ZPBP: variants seen among roughly 807,000 people sequenced by gnomAD.
ZPBP encodes the protein zona pellucida-binding protein 1.
Under a neutral mutation model 44.8 loss-of-function variants are expected in ZPBP, and 26 were observed. The observed-to-expected ratio is 0.58, with a 90% CI of 0.43 to 0.81. ZPBP has a LOEUF of 0.81. Ranked by LOEUF, ZPBP falls within the 30% of genes least tolerant of loss-of-function variation. The pLI is 0.00. For synonymous variants in ZPBP, 174 were observed against 153.2 expected, an observed-to-expected ratio of 1.14 and a Z score of -1.00; for missense variants, 409 against 434.0, an observed-to-expected ratio of 0.94 and a Z score of 0.51.
intron 4 of ZPBP, among the ~76,000 whole-genome samples, chr7:50,034,460 T>G (rs1338635582): frequency 2.0e-5 from 3 of 152,188 alleles, no homozygotes; most frequent in Non-Finnish European, 4.4e-5. Flanking sequence ...TCTATCAAAT[T>G]GCCACTCCCT....
intron 2 of ZPBP, among the ~76,000 whole-genome samples, chr7:49,863,673 C>T (rs1306617966): frequency 5.3e-5 from 8 of 152,090 alleles, no homozygotes; most frequent in Non-Finnish European, 7.3e-5. Context: ...TCAAGCCATC[C>T]GCCCACCTCA....
intron 6 of ZPBP, among the ~76,000 whole-genome samples, chr7:50,002,935 A>T (rs888374556): frequency 6.6e-6 from 1 of 152,212 alleles, no homozygotes; most frequent in Non-Finnish European, 1.5e-5. Flanking sequence ...TATGTTACCA[A>T]AAAATCTAAA....
At chr7:50,029,743 G>A (rs1562856802) in intron 5 of ZPBP, among the ~76,000 whole-genome samples, 1 of 152,204 alleles carries the variant, frequency 6.6e-6, no homozygotes, top group Non-Finnish European at 1.5e-5. Context: ...TGCCTTTGGA[G>A]AAATGCAAAT....
At chr7:49,991,180 T>C (rs1253285653) in intron 6 of ZPBP, among the ~76,000 whole-genome samples, 1 of 151,868 alleles carries the variant, frequency 6.6e-6, no homozygotes, top group Non-Finnish European at 1.5e-5. Context: ...TGGAGAGAAA[T>C]GTGAATTTTT....
chr7:50,006,763 T>C (rs1010583724), intron 6 of ZPBP, among the ~76,000 whole-genome samples: 3 of 151,886 alleles, frequency 2.0e-5, no homozygotes, highest in Non-Finnish European at 4.4e-5. Context: ...AAAACAAGAA[T>C]TGCTTCTTTG....
intron 5 of ZPBP, among the ~76,000 whole-genome samples, chr7:50,019,213 T>C (rs963340176): frequency 6.6e-6 from 1 of 152,102 alleles, no homozygotes; most frequent in Non-Finnish European, 1.5e-5. Flanking sequence ...ATCTCTATAA[T>C]TTATCTACCA....
At chr7:49,877,036 A>G (rs1296541653) in intron 2 of ZPBP, among the ~76,000 whole-genome samples, 4 of 152,150 alleles carry the variant, frequency 2.6e-5, no homozygotes, top group Admixed American at 2.6e-4. Context: ...CTTGACCGTC[A>G]GTCTCCTCCA....
chr7:49,966,531 C>G (rs1796069730), intron 7 of ZPBP, among the ~76,000 whole-genome samples: 1 of 152,096 alleles, frequency 6.6e-6, no homozygotes, highest in South Asian at 2.1e-4. Context: ...TTCCATAAAA[C>G]AGAAATCTCG....
chr7:49,865,695 C>G (rs1790855956), intron 2 of ZPBP, among the ~76,000 whole-genome samples: 1 of 152,218 alleles, frequency 6.6e-6, no homozygotes, highest in African/African-American at 2.4e-5. Context: ...GTGAAAGTCA[C>G]ACCTAAGGGT....
chr7:50,033,710 A>ATTTATTTATTTAT (rs1799705085), intron 4 of ZPBP, among the ~76,000 whole-genome samples: 1 of 151,874 alleles, frequency 6.6e-6, no homozygotes, highest in South Asian at 2.1e-4. Flanking sequence ...TTATTTATTT[A>ATTTATTTATTTAT]GAGATGGAGT....
intron 7 of ZPBP, among the ~76,000 whole-genome samples, chr7:49,954,487 T>C (rs776580670): frequency 2.0e-5 from 3 of 152,138 alleles, no homozygotes; most frequent in Non-Finnish European, 2.9e-5. Context: ...AAGTATATTA[T>C]CAAGAACTTT....
At chr7:50,055,427 T>A (rs768405428) in intron 4 of ZPBP, among the ~76,000 whole-genome samples, 7 of 152,142 alleles carry the variant, frequency 4.6e-5, no homozygotes, top group Non-Finnish European at 1.0e-4. Flanking sequence ...CTGGTCTTCA[T>A]CCTGCTGGCA....
At chr7:49,969,812 T>TAGAGAGAG (rs1262391235) in intron 7 of ZPBP, among the ~76,000 whole-genome samples, 1 of 113,992 alleles carries the variant, frequency 8.8e-6, no homozygotes, top group African/African-American at 3.1e-5. Context: ...TGTATATATA[T>TAGAGAGAG]ATATATAGAG....
chr7:49,902,292 A>G lies in ZPBP; in HGVS notation n.412-1077T>C, dbSNP rs542113550. On this transcript the variant is annotated intron_variant and non_coding_transcript_variant, in intron 1 of 2. Coordinates refer to the ZPBP transcript ENST00000465922. The stretch of plus-strand genomic sequence containing the variant: ...AACATTTGCAAAAGACATAAAAAAA[A>G]CTGTTGTCCTAAATATACAAACAAT... Among the ~76,000 whole-genome samples, 25 of 152,142 alleles carry G rather than the reference A, an allele frequency of 1.6e-4. 1 individual carries two copies. In the South Asian group the frequency reaches 3.7e-3, roughly 23 times the overall value.
intron 5 of ZPBP, among the ~76,000 whole-genome samples, chr7:50,022,648 T>C (rs1799151046): frequency 6.6e-6 from 1 of 152,050 alleles, no homozygotes; most frequent in African/African-American, 2.4e-5. Flanking sequence ...ATTTGACATC[T>C]ACGGAACTTG....
At chr7:50,052,778 G>C (rs1196610232) in intron 4 of ZPBP, among the ~76,000 whole-genome samples, 1 of 152,130 alleles carries the variant, frequency 6.6e-6, no homozygotes, top group Non-Finnish European at 1.5e-5. Flanking sequence ...ATAAGAAAGA[G>C]TGTGTGATAG....
intron 2 of ZPBP, among the ~76,000 whole-genome samples, chr7:49,862,127 A>G (rs981779143): frequency 4.6e-5 from 7 of 152,100 alleles, no homozygotes; most frequent in African/African-American, 1.7e-4. Context: ...ATATCTTTTC[A>G]TTTATTTGTG....
intron 4 of ZPBP, among the ~76,000 whole-genome samples, chr7:50,035,267 C>T (rs139574489): frequency 2.4e-4 from 36 of 152,300 alleles, no homozygotes; most frequent in African/African-American, 8.2e-4. Context: ...GTACAGCACA[C>T]GCATAAACTT....
intron 2 of ZPBP, among the ~76,000 whole-genome samples, chr7:49,870,740 A>G (rs1791114540): frequency 6.6e-6 from 1 of 152,224 alleles, no homozygotes; most frequent in South Asian, 2.1e-4. Context: ...ACTAATCCAC[A>G]CTGCTGAAAA....
Sources: gnomAD v4.1 joint callset for allele counts (sites outside exome capture counted in the v4.1 genomes callset) on GRCh38, gnomAD v4.1.1 for gene constraint, MANE v1.5 for transcripts, NCBI Gene and HGNC (gene_info 2026-07-23, HGNC 2026-07-21) for gene names.